The following PDE11A variants were observed in gnomAD, a reference collection of about 807,000 sequenced individuals.
The protein encoded by PDE11A is dual 3',5'-cyclic-AMP and -GMP phosphodiesterase 11A.
A neutral mutation model predicts 100.5 loss-of-function variants in PDE11A; 100 were observed. The observed-to-expected ratio is 1.00, with a 90% CI of 0.85 to 1.18. The LOEUF is 1.18. Among genes scored for constraint, PDE11A ranks in the 50% most tolerant of loss-of-function variants. The probability of loss-of-function intolerance (pLI) is 0.00; values close to 1 mark genes in which losing one functional copy is unlikely to be tolerated. For synonymous variants in PDE11A, 381 were observed against 420.8 expected (o/e 0.91, Z 1.16); for missense variants, 1,141 against 1,152.6 (o/e 0.99, Z 0.15).
At chr2:178,104,197 T>G (rs1326593630) in intron 2 of PDE11A, 1 of 1,017,306 alleles carries the variant, frequency 9.8e-7, no homozygotes, top group Non-Finnish European at 1.6e-6. Context: ...TAAAGAGTGG[T>G]CCATTTTTAA....
intron 5 of PDE11A, among the ~76,000 whole-genome samples, chr2:177,870,611 A>C (rs2084114649): frequency 1.3e-5 from 2 of 152,172 alleles, no homozygotes; most frequent in Admixed American, 1.3e-4. Context: ...ATTCTACTGA[A>C]TTTTCCTGGT....
intron 1 of PDE11A, among the ~76,000 whole-genome samples, chr2:178,049,409 A>G (rs1367748480): frequency 6.6e-6 from 1 of 152,160 alleles, no homozygotes; most frequent in Non-Finnish European, 1.5e-5. Context: ...TCCAGTCTGC[A>G]GCTCCCAGCA....
intron 1 of PDE11A, among the ~76,000 whole-genome samples, chr2:178,051,049 T>C (rs951225034): frequency 6.9e-6 from 1 of 144,562 alleles, no homozygotes; most frequent in African/African-American, 2.6e-5. Context: ...CCAAGACACA[T>C]AATTAACAGA....
chr2:177,979,769 C>T (rs1402127426), intron 2 of PDE11A, among the ~76,000 whole-genome samples: 1 of 149,686 alleles, frequency 6.7e-6, no homozygotes, highest in African/African-American at 2.4e-5. Flanking sequence ...TGCCACCACG[C>T]CCGGCTCATT....
intron 2 of PDE11A, among the ~76,000 whole-genome samples, chr2:177,979,215 T>C (rs1400804516): frequency 6.6e-6 from 1 of 150,932 alleles, no homozygotes; most frequent in Middle Eastern, 3.2e-3. Context: ...TTGCAATCCC[T>C]TGCTATTCCT....
chr2:177,968,410 T>A (rs112544103), intron 2 of PDE11A, among the ~76,000 whole-genome samples: 1 of 152,200 alleles, frequency 6.6e-6, no homozygotes, highest in Admixed American at 6.5e-5. Flanking sequence ...TTTATCTAGA[T>A]CACAGAAATT....
At chr2:177,857,384 A>T (rs1185186389) in intron 5 of PDE11A, among the ~76,000 whole-genome samples, 1 of 152,064 alleles carries the variant, frequency 6.6e-6, no homozygotes, top group Non-Finnish European at 1.5e-5. Context: ...AGAAAATTTT[A>T]TAAGTAAATA....
intron 10 of PDE11A, among the ~76,000 whole-genome samples, chr2:177,739,991 TG>T (rs1395603747): frequency 1.3e-5 from 2 of 152,222 alleles, no homozygotes; most frequent in African/African-American, 4.8e-5. Flanking sequence ...GGCTGGATGG[TG>T]GTGTTCCTGA....
At chr2:177,724,244 T>A (rs1038819212) in intron 12 of PDE11A, among the ~76,000 whole-genome samples, 4 of 152,048 alleles carry the variant, frequency 2.6e-5, no homozygotes, top group Non-Finnish European at 5.9e-5. Flanking sequence ...TGGAACAAAT[T>A]AATAAGTCAT....
intron 2 of PDE11A, among the ~76,000 whole-genome samples, chr2:177,985,110 G>T (rs982035354): frequency 2.6e-5 from 4 of 152,212 alleles, no homozygotes; most frequent in African/African-American, 9.6e-5. Context: ...ATTGGCATTT[G>T]ATATAATTGA....
chr2:177,835,858 C>T (rs890718942), intron 6 of PDE11A, among the ~76,000 whole-genome samples: 8 of 152,208 alleles, frequency 5.3e-5, no homozygotes, highest in Non-Finnish European at 7.4e-5. Flanking sequence ...CCAGCAGTGC[C>T]GGCCCACTGG....
At chr2:178,018,477 T>C (rs548481984) in intron 1 of PDE11A, 2 of 507,148 alleles carry the variant, frequency 3.9e-6, no homozygotes, top group South Asian at 1.5e-5. Context: ...CTTTTAGACT[T>C]AACACCTTAA....
At chr2:177,854,113 G>C (rs563747133) in intron 5 of PDE11A, among the ~76,000 whole-genome samples, 1 of 151,904 alleles carries the variant, frequency 6.6e-6, no homozygotes, top group African/African-American at 2.4e-5. Context: ...TCTGTTTACT[G>C]CATAGTATTA....
chr2:177,957,591 C>G (rs966393076), intron 2 of PDE11A, among the ~76,000 whole-genome samples: 3 of 152,048 alleles, frequency 2.0e-5, no homozygotes, highest in Admixed American at 6.6e-5. Flanking sequence ...AAAACAGAGC[C>G]CATTGAGCTA....
chr2:177,772,980 A>G (rs1230659036), intron 9 of PDE11A, among the ~76,000 whole-genome samples: 1 of 74,610 alleles, frequency 1.3e-5, no homozygotes, highest in African/African-American at 8.5e-5. Context: ...ATTTTGATAA[A>G]GTGTAATTTG....
At chr2:177,949,555 A>G (rs2085482156) in intron 2 of PDE11A, among the ~76,000 whole-genome samples, 1 of 152,192 alleles carries the variant, frequency 6.6e-6, no homozygotes, top group Admixed American at 6.5e-5. Context: ...CTGCTCTATT[A>G]TAAAATGGAG....
At chr2:177,929,025 C>A (rs191225574) in intron 2 of PDE11A, among the ~76,000 whole-genome samples, 72 of 152,110 alleles carry the variant, frequency 4.7e-4, no homozygotes, top group African/African-American at 1.7e-3. Flanking sequence ...AAAATGAAAT[C>A]TTTTTTCTTC....
chr2:177,873,100 T>C (rs1011035599), intron 5 of PDE11A, among the ~76,000 whole-genome samples: 8 of 152,198 alleles, frequency 5.3e-5, no homozygotes, highest in South Asian at 2.1e-4. Flanking sequence ...TCTTGGGTCA[T>C]TTCATTTTGA....
At chr2:178,072,833 C>T (rs1197321942), upstream of PDE11A, 18 of 1,187,376 alleles carry the variant, frequency 1.5e-5, no homozygotes, top group Non-Finnish European at 1.9e-5. Flanking sequence ...CTGAGTGAGG[C>T]ACGGAGCCTG....
Sources: allele counts gnomAD v4.1 joint callset (sites outside exome capture counted in the v4.1 genomes callset), GRCh38; gene constraint gnomAD v4.1.1; transcripts MANE v1.5; gene names NCBI Gene and HGNC (gene_info 2026-07-23, HGNC 2026-07-21).